The following PDE3A variants were observed in gnomAD, a reference collection of about 807,000 sequenced individuals.
PDE3A encodes the protein cGMP-inhibited 3',5'-cyclic phosphodiesterase 3A.
A neutral mutation model predicts 98.3 loss-of-function variants in PDE3A; 43 were observed. The observed-to-expected ratio is 0.44, with a 90% CI of 0.34 to 0.56. The LOEUF (loss-of-function observed/expected upper bound fraction) is 0.56. Ranked by LOEUF, PDE3A falls within the 20% of genes least tolerant of loss-of-function variation. PDE3A has a pLI of 0.01. For missense variants in PDE3A, 1,427 were observed against 1,440.7 expected (o/e 0.99, Z 0.15); for synonymous variants, 663 against 567.9 (o/e 1.17, Z -2.38).
At chr12:20,561,033 C>T (rs1215567618) in intron 2 of PDE3A, among the ~76,000 whole-genome samples, 1 of 130,534 alleles carries the variant, frequency 7.7e-6, no homozygotes, top group Non-Finnish European at 1.6e-5. Context: ...GAGGCCGAGG[C>T]AGGTGGCACC....
chr12:20,599,886 G>A (rs563893836), intron 2 of PDE3A, among the ~76,000 whole-genome samples: 64 of 152,190 alleles, frequency 4.2e-4, no homozygotes, highest in African/African-American at 9.4e-4. Flanking sequence ...GTGTTTCACT[G>A]AAACTGTAGT....
At chr12:20,679,493 C>T (rs138399549) in intron 15 of PDE3A, among the ~76,000 whole-genome samples, 3,098 of 152,262 alleles carry the variant, frequency 0.02, 89 homozygotes, top group African/African-American at 0.07. Context: ...GTGATTCGCC[C>T]GCCTTGGCCT....
At chr12:20,592,521 A>G (rs917135045) in intron 2 of PDE3A, among the ~76,000 whole-genome samples, 1 of 152,114 alleles carries the variant, frequency 6.6e-6, no homozygotes, top group Non-Finnish European at 1.5e-5. Flanking sequence ...GTGTGCTGTT[A>G]TTATAACGAA....
At chr12:20,410,462 G>T (rs368501618) in intron 1 of PDE3A, among the ~76,000 whole-genome samples, 1 of 152,146 alleles carries the variant, frequency 6.6e-6, no homozygotes, top group Admixed American at 6.6e-5. Flanking sequence ...AGGGATCTCA[G>T]TTACTTCAGG....
chr12:20,499,847 G>A (rs1945990422), intron 1 of PDE3A, among the ~76,000 whole-genome samples: 1 of 152,150 alleles, frequency 6.6e-6, no homozygotes, highest in African/African-American at 2.4e-5. Context: ...GAGTGGTAAC[G>A]AAGGTCAAAT....
At chr12:20,444,167 A>G (rs764808901) in intron 1 of PDE3A, among the ~76,000 whole-genome samples, 1 of 152,166 alleles carries the variant, frequency 6.6e-6, no homozygotes, top group Non-Finnish European at 1.5e-5. Flanking sequence ...TCAACCAGCC[A>G]ATATTTATCA....
intron 1 of PDE3A, among the ~76,000 whole-genome samples, chr12:20,446,791 G>C (rs1944963290): frequency 6.6e-6 from 1 of 152,168 alleles, no homozygotes; most frequent in South Asian, 2.1e-4. Flanking sequence ...GGAGATGTAT[G>C]TTATCTTATA....
At position 20,623,347 on chromosome 12, in the gene PDE3A, G is replaced by C. The variant is rs146421289; in HGVS notation, c.1540+1936G>C. Among the ~76,000 whole-genome samples the C allele has an allele frequency of 5.3e-4, 81 of 152,186 alleles. No individual in the cohort carries two copies. The East Asian group carries it at 0.014, about 25-fold the overall frequency. On this transcript the variant is annotated intron_variant, in intron 5 of 15. Transcript: ENST00000359062. ...GAAACTCACACGTAGATACAAAATA[G>C]TGAAACTACACAACACCAAAGATAT...
chr12:20,533,850 C>A (rs557039028), intron 1 of PDE3A, among the ~76,000 whole-genome samples: 1 of 152,042 alleles, frequency 6.6e-6, no homozygotes, highest in Non-Finnish European at 1.5e-5. Context: ...TATTTTAAAC[C>A]AATAGTATAC....
intron 1 of PDE3A, among the ~76,000 whole-genome samples, chr12:20,463,164 A>G (rs1291166792): frequency 6.6e-6 from 1 of 152,196 alleles, no homozygotes; most frequent in Non-Finnish European, 1.5e-5. Context: ...AAGAGTAGCT[A>G]TTGCCACCAA....
At chr12:20,517,566 C>T (rs1946346043) in intron 1 of PDE3A, among the ~76,000 whole-genome samples, 1 of 152,180 alleles carries the variant, frequency 6.6e-6, no homozygotes, top group Non-Finnish European at 1.5e-5. Flanking sequence ...CTATGACAAA[C>T]TGAGTATTTG....
chr12:20,463,828 T>C (rs1298805112), intron 1 of PDE3A, among the ~76,000 whole-genome samples: 1 of 152,180 alleles, frequency 6.6e-6, no homozygotes, highest in Non-Finnish European at 1.5e-5. Context: ...ACTGTTTATA[T>C]TTTGGCATAG....
At chr12:20,676,317 C>T (rs1319076726) in intron 15 of PDE3A, among the ~76,000 whole-genome samples, 1 of 152,072 alleles carries the variant, frequency 6.6e-6, no homozygotes, top group East Asian at 1.9e-4. Context: ...ATTTTTCCTT[C>T]ATTTATAAAG....
At chr12:20,672,118 T>C (rs539196195) in intron 15 of PDE3A, among the ~76,000 whole-genome samples, 141 of 150,624 alleles carry the variant, frequency 9.4e-4, no homozygotes, top group Non-Finnish European at 1.8e-3. Context: ...GAGAATAAAA[T>C]ACCTAGGAAT....
chr12:20,374,813 G>A (rs1046660205), intron 1 of PDE3A, among the ~76,000 whole-genome samples: 1 of 151,966 alleles, frequency 6.6e-6, no homozygotes, highest in African/African-American at 2.4e-5. Context: ...CATTGAAAAC[G>A]TGTGTTATTT....
chr12:20,620,887 TAA>T (rs1456135593), intron 4 of PDE3A, among the ~76,000 whole-genome samples: 6 of 152,012 alleles, frequency 3.9e-5, no homozygotes, highest in African/African-American at 1.4e-4. Context: ...CCACCAAAAA[TAA>T]TAGAGTACTG....
At chr12:20,606,124 T>A (rs1317436219) in intron 2 of PDE3A, among the ~76,000 whole-genome samples, 1 of 152,230 alleles carries the variant, frequency 6.6e-6, no homozygotes, top group Non-Finnish European at 1.5e-5. Context: ...AAATTTATGT[T>A]GACCCTACCA....
chr12:20,509,088 G>A (rs867042672), intron 1 of PDE3A, among the ~76,000 whole-genome samples: 26 of 151,980 alleles, frequency 1.7e-4, no homozygotes, highest in Admixed American at 9.9e-4. Flanking sequence ...GACATTGTGC[G>A]TCATCAAGAG....
At chr12:20,535,618 C>T (rs1047872727) in intron 1 of PDE3A, among the ~76,000 whole-genome samples, 5 of 152,022 alleles carry the variant, frequency 3.3e-5, no homozygotes, top group Non-Finnish European at 5.9e-5. Flanking sequence ...AGGACTCAAC[C>T]ACTAATAAAA....
Sources: allele counts gnomAD v4.1 joint callset (sites outside exome capture counted in the v4.1 genomes callset), GRCh38; gene constraint gnomAD v4.1.1; transcripts MANE v1.5; gene names NCBI Gene and HGNC (gene_info 2026-07-23, HGNC 2026-07-21).